Variants in ISCU observed in about 807,000 individuals in gnomAD.
ISCU encodes the protein iron-sulfur cluster assembly enzyme.
Under a neutral mutation model 18.4 loss-of-function variants are expected in ISCU, and 13 were observed. The observed-to-expected ratio is 0.71, with a 90% CI of 0.46 to 1.12. The LOEUF (loss-of-function observed/expected upper bound fraction) is 1.12, where lower values mean the gene tolerates loss of function less well. ISCU is among the 50% of genes most tolerant of loss of function. The pLI, the probability that ISCU is intolerant of heterozygous loss-of-function variation, is 0.00. For missense variants in ISCU, 229 were observed against 208.7 expected, an observed-to-expected ratio of 1.10 and a Z score of -0.60; for synonymous variants, 104 against 87.5, an observed-to-expected ratio of 1.19 and a Z score of -1.06.
At chr12:108,568,263 GCT>G (rs2030992462) in intron 4 of ISCU, 1 of 1,164,022 alleles carries the variant, frequency 8.6e-7, no homozygotes, top group Admixed American at 4.3e-5. Flanking sequence ...TGTCATTCCA[GCT>G]CTCTCAGTTT....
intron 4 of ISCU, chr12:108,568,092 A>G (rs1485008755): frequency 7.1e-7 from 1 of 1,399,482 alleles, no homozygotes; most frequent in East Asian, 2.6e-5. Flanking sequence ...GGTCAGACCT[A>G]AGTTCTTTCC....
chr12:108,568,542 C>T (rs1191312917), intron 4 of ISCU: 8 of 1,294,670 alleles, frequency 6.2e-6, no homozygotes, highest in Non-Finnish European at 7.9e-6. Context: ...GCAAGAAAAG[C>T]ATGATTATCC....
chr12:108,562,640 T>TGG lies in ISCU; in HGVS notation c.18_19insGG (p.Phe7GlyfsTer4), dbSNP rs756780931. 6.1e-6 allele frequency: 9 copies of TGG among 1,482,080 alleles called. No individual in the cohort carries two copies. The highest frequency in any genetic ancestry group is 1.3e-5 in the South Asian group (1 of 76,428). The allele number at this position is 1,482,080 out of a possible 1,614,324, so 91.8% of individuals were successfully genotyped here. Reference sequence around the variant, plus strand: ...CCGGCAAGATGGCGGCGGCTGGGGCTTTCCGTCTGAGGCGGGCGGCATCGG... The same window carrying TGG: ...CCGGCAAGATGGCGGCGGCTGGGGCTGGTTCCGTCTGAGGCGGGCGGCATCGG... On this transcript the variant is annotated frameshift_variant, in exon 1 of 5. Transcript: ENST00000311893. LOFTEE classifies it high-confidence loss of function.
At chr12:108,567,359 C>T (rs753369147) in intron 4 of ISCU, 91 bp downstream of exon 4, 8 of 1,038,542 alleles carry the variant, frequency 7.7e-6, no homozygotes, top group Admixed American at 1.7e-5. Flanking sequence ...ATGGAGCCCA[C>T]GTTTGTAACC....
At chr12:108,567,360 G>A (rs756786252) in intron 4 of ISCU, 92 bp downstream of exon 4, 10 of 1,042,680 alleles carry the variant, frequency 9.6e-6, no homozygotes, top group African/African-American at 3.1e-5. Flanking sequence ...TGGAGCCCAC[G>A]TTTGTAACCC....
intron 1 of ISCU, chr12:108,564,050 T>C (rs774057157): frequency 1.3e-6 from 2 of 1,566,628 alleles, no homozygotes; most frequent in Non-Finnish European, 1.8e-6. Context: ...CTGATTTTTT[T>C]TTCTTCTAGG....
In ISCU at chr12:108,569,062, T is replaced by C; in HGVS notation, c.*146T>C. 1.4e-6 allele frequency: 1 copy of C among 712,878 alleles called. No homozygotes were observed. Among genetic ancestry groups the C allele is most frequent in the Non-Finnish European group, 2.5e-6 (1 of 406,084 alleles). 44.2% of individuals were successfully genotyped at this position (712,878 alleles called of 1,614,324 possible). On this transcript the variant is annotated 3_prime_UTR_variant, in exon 5 of 5. Coordinates refer to ENST00000311893, the MANE Select transcript of ISCU (RefSeq NM_213595.4). ...CTTGCTGTTCACGTTATGACTCTCA[T>C]GCAAGCAAAATACACAGTTTCATTG...
At chr12:108,563,032 C>T (rs1428396800) in intron 1 of ISCU, 9 of 248,850 alleles carry the variant, frequency 3.6e-5, no homozygotes, top group Non-Finnish European at 6.9e-5. Flanking sequence ...TTTCTGAGTC[C>T]AGGGACAGAC....
chr12:108,568,197 CT>C, intron 4 of ISCU: 1 of 1,270,636 alleles, frequency 7.9e-7, no homozygotes, highest in Non-Finnish European at 9.9e-7. Context: ...TTTATTAGGC[CT>C]TTTTAGGTAC....
In ISCU at chr12:108,567,248, C is replaced by A; in HGVS notation, c.398C>A (p.Pro133His). 6.2e-7 allele frequency: 1 copy of A among 1,613,924 alleles called. No individual in the cohort carries two copies. Among genetic ancestry groups the A allele is most frequent in the Non-Finnish European group, 8.5e-7 (1 of 1,179,796 alleles). ...TDIAKELCLPPVKLHCSMLAE... is the reference protein window; with the variant it reads ...TDIAKELCLPHVKLHCSMLAE... ...ATCGCCAAGGAGCTCTGCCTTCCTCCCGTGAAACTGCACTGCTCCAGTAAG... is the reference window on the plus strand; with the variant it reads ...ATCGCCAAGGAGCTCTGCCTTCCTCACGTGAAACTGCACTGCTCCAGTAAG... Residue 133 changes from proline to histidine, a missense_variant, in exon 4 of 5, where the codon CCC becomes CAC. Pro to His is a moderately conservative substitution (Grantham distance 77). Transcript: ENST00000311893.
At chr12:108,562,504 A>G (rs1482219737), upstream of ISCU, 1 of 540,192 alleles carries the variant, frequency 1.9e-6, no homozygotes, top group African/African-American at 2.0e-5. Context: ...CGGAGCGGTA[A>G]AGCGCAGGCG....
Position 108,562,703 on chromosome 12 carries a change from G to A in ISCU, c.81G>A (p.Glu27=). 1.3e-6 allele frequency: 2 copies of A among 1,489,828 alleles called. No homozygotes were observed. The highest frequency in any genetic ancestry group is 8.8e-7 in the Non-Finnish European group (1 of 1,129,992). The allele number at this position is 1,489,828 out of a possible 1,614,324, so 92.3% of individuals were successfully genotyped here. A position where few individuals can be genotyped will look rare whatever the true frequency, so the allele number is the denominator to read the frequency against. Residue 27 remains glutamate, a synonymous_variant, in exon 1 of 5, where the codon GAG becomes GAA. Coordinates refer to ENST00000311893, the MANE Select transcript of ISCU (RefSeq NM_213595.4). The stretch of plus-strand genomic sequence containing the variant: ...GGAGCCCCCGCCTGCCCGCCCGGGA[G>A]CTGTCGGCCCCGGCCCGACTCTATC... ...LLRSPRLPAR[E]LSAPARLYHK...
intron 4 of ISCU, chr12:108,567,591 G>C: frequency 7.6e-7 from 1 of 1,317,172 alleles, no homozygotes; most frequent in South Asian, 1.3e-5. Context: ...GGCTTGGGTT[G>C]AGACGCCCAC....
intron 4 of ISCU, chr12:108,567,683 G>A (rs952486478): frequency 9.1e-6 from 14 of 1,535,940 alleles, no homozygotes; most frequent in Non-Finnish European, 4.4e-6. Flanking sequence ...CAGCAGAGGA[G>A]AAAACTCAGC....
chr12:108,568,346 G>T, intron 4 of ISCU: 1 of 1,094,184 alleles, frequency 9.1e-7, no homozygotes, highest in Non-Finnish European at 1.1e-6. Context: ...GATCACTAGA[G>T]GGTGATGTGG....
At chr12:108,562,868 T>C in intron 1 of ISCU, 132 bp downstream of exon 1, 2 of 468,722 alleles carry the variant, frequency 4.3e-6, no homozygotes, top group Non-Finnish European at 7.2e-6. Context: ...TCGCTTTCCC[T>C]TGCTGCGCAG....
upstream of ISCU, among the ~76,000 whole-genome samples, chr12:108,561,789 G>A (rs73404713): frequency 0.025 from 3,781 of 152,200 alleles, 154 homozygotes; most frequent in African/African-American, 0.086. Flanking sequence ...TAATTGCTAG[G>A]CACTGACATA....
Position 108,562,655 on chromosome 12 carries a change from G to C in ISCU, c.33G>C (p.Arg11=). ...CGGCTGGGGCTTTCCGTCTGAGGCG[G>C]GCGGCATCGGCTCTGCTGCTGCGGA... The part of the protein sequence containing the change: MAAAGAFRLR[R]AASALLLRSP... Residue 11 remains arginine, a synonymous_variant, in exon 1 of 5, where the codon CGG becomes CGC. Transcript: ENST00000311893. 2.1e-6 allele frequency: 3 copies of C among 1,461,642 alleles called. No individual in the cohort carries two copies. Among genetic ancestry groups the C allele is most frequent in the Middle Eastern group, 2.0e-4 (1 of 5,108 alleles). The allele number at this position is 1,461,642 out of a possible 1,614,324, so 90.5% of individuals were successfully genotyped here. A position where few individuals can be genotyped will look rare whatever the true frequency, so the allele number is the denominator to read the frequency against.
chr12:108,561,483 C>T (rs2030559505), upstream of ISCU: 4 of 296,908 alleles, frequency 1.3e-5, no homozygotes, highest in South Asian at 1.5e-4. Context: ...TTGGCGCCAT[C>T]TTGAGAAGGT....
Sources: gnomAD v4.1 joint callset for allele counts (sites outside exome capture counted in the v4.1 genomes callset) on GRCh38, gnomAD v4.1.1 for gene constraint, MANE v1.5 for transcripts, NCBI Gene and HGNC (gene_info 2026-07-23, HGNC 2026-07-21) for gene names.